GALNTL6: variants seen among roughly 807,000 people sequenced by gnomAD.
The protein encoded by GALNTL6 is polypeptide N-acetylgalactosaminyltransferase like 6, also known as polypeptide N-acetylgalactosaminyltransferase-like 6.
In GALNTL6, 46 loss-of-function variants were observed where a neutral mutation model predicts 73.7. That is an observed-to-expected ratio of 0.62 (90% confidence interval 0.49 to 0.80). The LOEUF (loss-of-function observed/expected upper bound fraction) is 0.80. Ranked by LOEUF, GALNTL6 falls within the 30% of genes least tolerant of loss-of-function variation. The pLI, the probability that GALNTL6 is intolerant of heterozygous loss-of-function variation, is 0.00. For missense variants in GALNTL6, 604 were observed against 755.0 expected (o/e 0.80, Z 2.34); for synonymous variants, 259 against 263.7 (o/e 0.98, Z 0.17).
At chr4:171,886,034 G>A (rs893578749) in intron 2 of GALNTL6, among the ~76,000 whole-genome samples, 2 of 151,886 alleles carry the variant, frequency 1.3e-5, no homozygotes, top group Admixed American at 1.3e-4. Flanking sequence ...AAATTGTAGA[G>A]ATTCTTTCAT....
In GALNTL6 at chr4:172,339,847, T is replaced by C. The variant is rs984934818; in HGVS notation, c.387-8676T>C. ...GGGGGCTGTTTGCACATGGTCTTCT[T>C]TTTGGGATCTGGGGTGTCCTTCACA... On this transcript the variant is annotated intron_variant, in intron 4 of 12. Transcript: ENST00000506823. Among the ~76,000 whole-genome samples, 5 of 152,328 alleles carry C rather than the reference T, an allele frequency of 3.3e-5. No individual in the cohort carries two copies. The South Asian group carries it at 1.0e-3, about 32-fold the overall frequency.
intron 2 of GALNTL6, among the ~76,000 whole-genome samples, chr4:171,880,745 GA>G (rs1736423475): frequency 6.6e-6 from 1 of 152,076 alleles, no homozygotes; most frequent in Non-Finnish European, 1.5e-5. Context: ...CTTATAGTAA[GA>G]AGTAACTAAT....
intron 3 of GALNTL6, among the ~76,000 whole-genome samples, chr4:172,231,537 A>G (rs897372360): frequency 6.6e-6 from 1 of 152,162 alleles, no homozygotes; most frequent in Non-Finnish European, 1.5e-5. Flanking sequence ...AATAATAATA[A>G]TTGGAAAATA....
At chr4:173,028,355 T>C (rs1753318243) in intron 12 of GALNTL6, among the ~76,000 whole-genome samples, 3 of 152,192 alleles carry the variant, frequency 2.0e-5, no homozygotes, top group Non-Finnish European at 4.4e-5. Flanking sequence ...TTGATATTCT[T>C]TGAAAGGTCC....
intron 5 of GALNTL6, among the ~76,000 whole-genome samples, chr4:172,516,115 T>G (rs920454240): frequency 3.9e-5 from 6 of 152,208 alleles, no homozygotes; most frequent in Non-Finnish European, 7.3e-5. Flanking sequence ...ACATAATAGA[T>G]TTTTATTAAA....
intron 7 of GALNTL6, among the ~76,000 whole-genome samples, chr4:172,871,808 G>C (rs1005932839): frequency 9.5e-5 from 14 of 147,406 alleles, no homozygotes; most frequent in Non-Finnish European, 1.8e-4. Flanking sequence ...TTTGGTGATG[G>C]AGTTTCGCTC....
intron 9 of GALNTL6, among the ~76,000 whole-genome samples, chr4:172,936,453 T>C (rs1238029437): frequency 1.3e-5 from 2 of 151,892 alleles, no homozygotes; most frequent in Non-Finnish European, 2.9e-5. Flanking sequence ...AGAAATAGAG[T>C]ATTCAAATAG....
intron 5 of GALNTL6, among the ~76,000 whole-genome samples, chr4:172,638,874 CT>C (rs1739826368): frequency 6.6e-6 from 1 of 152,072 alleles, no homozygotes; most frequent in Non-Finnish European, 1.5e-5. Flanking sequence ...GAACTTAACA[CT>C]TTTGAAGAGT....
chr4:172,662,385 G>C (rs965332399), intron 5 of GALNTL6, among the ~76,000 whole-genome samples: 5 of 152,166 alleles, frequency 3.3e-5, no homozygotes, highest in East Asian at 1.9e-4. Flanking sequence ...ACTAGTTCTG[G>C]CTAGGTGAAT....
intron 5 of GALNTL6, among the ~76,000 whole-genome samples, chr4:172,788,279 C>G (rs559768250): frequency 6.4e-4 from 98 of 152,280 alleles, no homozygotes; most frequent in African/African-American, 2.3e-3. Context: ...GCAGGAGGAC[C>G]ATTTGAGCCC....
chr4:171,911,874 C>A (rs1737485017), intron 2 of GALNTL6, among the ~76,000 whole-genome samples: 2 of 152,028 alleles, frequency 1.3e-5, no homozygotes, highest in South Asian at 2.1e-4. Flanking sequence ...TTCCTAAGAA[C>A]AGAAATTGAT....
intron 5 of GALNTL6, among the ~76,000 whole-genome samples, chr4:172,576,163 C>A (rs933696089): frequency 2.0e-5 from 3 of 152,080 alleles, no homozygotes; most frequent in Admixed American, 2.0e-4. Context: ...AAGGTGGTAT[C>A]AGTTGGATTA....
rs530516212 is a variant in GALNTL6, at chr4:172,793,178, A to G, written c.554-16183A>G. On this transcript the variant is annotated intron_variant, in intron 5 of 12. Transcript: ENST00000506823. ...GAGAAGCATTGCATTTCTAGTATTG[A>G]CTTTGCTTGGTTTCAGTTTTATTAA... 3.3e-5 allele frequency among the ~76,000 whole-genome samples: 5 copies of G among 152,200 alleles called. No individual in the cohort carries two copies. The South Asian group carries it at 8.3e-4, about 25-fold the overall frequency.
chr4:171,830,453 A>G (rs1734937189), intron 2 of GALNTL6, among the ~76,000 whole-genome samples: 1 of 152,172 alleles, frequency 6.6e-6, no homozygotes, highest in Non-Finnish European at 1.5e-5. Flanking sequence ...TAAGTGTCAA[A>G]AAGTTGTCTT....
rs546336352 is a variant in GALNTL6 at position 172,146,048 on chromosome 4, C to T, written c.139-83608C>T. 1.3e-5 allele frequency among the ~76,000 whole-genome samples: 2 copies of T among 152,150 alleles called. 1 individual carries two copies. Among genetic ancestry groups the T allele is most frequent in the Non-Finnish European group, 2.9e-5 (2 of 68,024 alleles). On this transcript the variant is annotated intron_variant, in intron 2 of 12. Transcript: ENST00000506823. ...AATGCTCTTGGCTATGACTCCAGGT[C>T]AAAGAATATTTCTATCCCTAAAACA... is the stretch of plus-strand genomic sequence containing the variant.
intron 5 of GALNTL6, among the ~76,000 whole-genome samples, chr4:172,575,075 T>C (rs954974845): frequency 1.2e-4 from 18 of 152,026 alleles, no homozygotes; most frequent in African/African-American, 4.1e-4. Flanking sequence ...TTACAGCAAA[T>C]GCAGACTCAA....
At chr4:172,263,036 T>A (rs1007388909) in intron 3 of GALNTL6, among the ~76,000 whole-genome samples, 2 of 151,508 alleles carry the variant, frequency 1.3e-5, no homozygotes, top group African/African-American at 4.8e-5. Context: ...ATCTTTTGTC[T>A]CACAGCTCCT....
At chr4:172,767,570 T>C (rs6842805) in intron 5 of GALNTL6, among the ~76,000 whole-genome samples, 1 of 151,650 alleles carries the variant, frequency 6.6e-6, no homozygotes, top group Non-Finnish European at 1.5e-5. Context: ...TTAAGGTAGT[T>C]TAAAATTCTA....
chr4:172,766,101 C>T (rs1246798715), intron 5 of GALNTL6, among the ~76,000 whole-genome samples: 3 of 152,086 alleles, frequency 2.0e-5, no homozygotes, highest in African/African-American at 7.2e-5. Flanking sequence ...ATTAAAGAGT[C>T]GGGCAAATGG....
Sources: allele counts gnomAD v4.1 joint callset (sites outside exome capture counted in the v4.1 genomes callset), GRCh38; gene constraint gnomAD v4.1.1; transcripts MANE v1.5; gene names NCBI Gene and HGNC (gene_info 2026-07-23, HGNC 2026-07-21).